PRRC2C: variants seen among roughly 807,000 people sequenced by gnomAD.
PRRC2C encodes the protein protein PRRC2C.
PRRC2C carries 72 observed loss-of-function variants against 317.2 expected under a neutral mutation model. The ratio of observed to expected loss-of-function variants is 0.23; its 90% confidence interval spans 0.19 to 0.28. PRRC2C has a LOEUF of 0.28. PRRC2C is among the 10% of genes least tolerant of loss of function. PRRC2C has a pLI of 1.00. For missense variants in PRRC2C, 3,074 were observed against 3,459.7 expected (o/e 0.89, Z 2.80); for synonymous variants, 1,296 against 1,205.9 (o/e 1.07, Z -1.55).
At position 171,532,343 on chromosome 1, in the gene PRRC2C, C is replaced by A; in HGVS notation, c.1255C>A (p.His419Asn). ...CTCATCTGATACCTTAATGTTTCAG[C>A]ATCCACCTCCAGATCGACAGGCAGT... ...PPPPKLLAQQ[H>N]PPPDRQAVPG... The change falls in exon 12 of 35, where the codon CAT becomes AAT. Residue 419 changes from histidine (H) to asparagine (N), a missense_variant and splice_region_variant. This residue lies in a region of PRRC2C where 1,320 missense variants were observed against 1,395.7 expected (regional missense o/e 0.95). Transcript: ENST00000647382. 1 of 1,606,984 alleles carries A rather than the reference C, an allele frequency of 6.2e-7. No homozygotes were observed. Among genetic ancestry groups the A allele is most frequent in the Non-Finnish European group, 8.5e-7 (1 of 1,177,034 alleles).
At chr1:171,490,607 A>G (rs1666961730) in intron 1 of PRRC2C, among the ~76,000 whole-genome samples, 1 of 152,258 alleles carries the variant, frequency 6.6e-6, no homozygotes, top group Admixed American at 6.5e-5. Flanking sequence ...GAAGAACAAG[A>G]CAAAATAAGA....
At chr1:171,496,924 C>T (rs886655615) in intron 1 of PRRC2C, among the ~76,000 whole-genome samples, 1 of 151,872 alleles carries the variant, frequency 6.6e-6, no homozygotes, top group Non-Finnish European at 1.5e-5. Context: ...GCTTCAATCT[C>T]CTGGTTGGGA....
chr1:171,573,673 CTTTTTTTTTT>C (rs1024285954), intron 24 of PRRC2C, among the ~76,000 whole-genome samples: 3 of 85,810 alleles, frequency 3.5e-5, no homozygotes, highest in African/African-American at 4.7e-5. Flanking sequence ...TCTCAAAATT[CTTTTTTTTTT>C]TTTTTTTTTT....
At chr1:171,591,081 G>A (rs1651315033) in intron 34 of PRRC2C, 2 of 674,902 alleles carry the variant, frequency 3.0e-6, no homozygotes, top group Non-Finnish European at 3.7e-6. Flanking sequence ...CTCAGAATGT[G>A]GTAGGAGCTA....
rs75006662 is a variant in PRRC2C, at chr1:171,542,345, C to T, written c.4763+116C>T. On this transcript the variant is annotated intron_variant, in intron 16 of 34. Transcript: ENST00000647382. The stretch of plus-strand genomic sequence containing the variant: ...AGATAAAGGACCAAAAAACATTGTT[C>T]TTCCCAAATGCTTTATTCTCTGTTC... 5 of 946,538 alleles carry T rather than the reference C, an allele frequency of 5.3e-6. No individual in the cohort carries two copies. The East Asian group carries it at 1.3e-4, about 25-fold the overall frequency. 58.6% of individuals were successfully genotyped at this position (946,538 alleles called of 1,614,324 possible). A position where few individuals can be genotyped will look rare whatever the true frequency, so the allele number is the denominator to read the frequency against.
In PRRC2C at chr1:171,545,665, G is replaced by A. The variant is rs1371163735; in HGVS notation, c.4950G>A (p.Gln1650=). The A allele has an allele frequency of 1.3e-6, 2 of 1,590,440 alleles. No homozygotes were observed. Among genetic ancestry groups the A allele is most frequent in the Non-Finnish European group, 1.7e-6 (2 of 1,167,566 alleles). The change falls in exon 17 of 35, where the codon CAG becomes CAA. Residue 1650 remains glutamine (Q), a synonymous_variant. Coordinates refer to ENST00000647382, the MANE Select transcript of PRRC2C (RefSeq NM_001387844.1). ...AAGAGAAAGTGGATGCTCTATCACA[G>A]TTTGATCTCAACAATTATGCAAGTA... ...KPKEKVDALS[Q]FDLNNYASVV...
chr1:171,515,107 C>T (rs7517178), intron 4 of PRRC2C, among the ~76,000 whole-genome samples: 18,791 of 152,238 alleles, frequency 0.12, 1,231 homozygotes, highest in East Asian at 0.21. Flanking sequence ...ATGATGGAAT[C>T]CCCAGCAGAA....
In PRRC2C at chr1:171,565,235, C is replaced by G. The variant is rs1327657946; in HGVS notation, c.6118-998C>G. Among the ~76,000 whole-genome samples the G allele has an allele frequency of 2.0e-5, 3 of 152,258 alleles. No homozygotes were observed. In the East Asian group the frequency reaches 5.8e-4, roughly 29 times the overall value. ...GTCTCCCTAAACTCTTTCCACTGAT[C>G]TTGTCTTCTAGATTCAATGTCAGTG... is the stretch of plus-strand genomic sequence containing the variant. On this transcript the variant is annotated intron_variant, in intron 20 of 34. Transcript: ENST00000647382.
chr1:171,585,205 G>C (rs1649586338), intron 30 of PRRC2C, among the ~76,000 whole-genome samples: 1 of 152,146 alleles, frequency 6.6e-6, no homozygotes, highest in Non-Finnish European at 1.5e-5. Context: ...CCAGAATATA[G>C]TTACATTAAG....
intron 14 of PRRC2C, among the ~76,000 whole-genome samples, chr1:171,536,591 A>G (rs952944911): frequency 1.1e-4 from 17 of 152,026 alleles, no homozygotes; most frequent in Admixed American, 6.5e-4. Flanking sequence ...CAGCGTTTGA[A>G]TTTTGTCCAT....
intron 14 of PRRC2C, among the ~76,000 whole-genome samples, chr1:171,536,525 G>A (rs763806918): frequency 2.6e-5 from 4 of 152,116 alleles, no homozygotes; most frequent in African/African-American, 7.2e-5. Context: ...AAATAATTAT[G>A]TGTTATTAAC....
At chr1:171,568,411 T>C (rs1207278820) in intron 23 of PRRC2C, 72 bp downstream of exon 23, 29 of 1,527,924 alleles carry the variant, frequency 1.9e-5, no homozygotes, top group Non-Finnish European at 2.3e-5. Context: ...CATTATTTCA[T>C]GTTTTATTTA....
rs749642627 is a variant in PRRC2C at position 171,558,179 on chromosome 1, G to A, written c.6031+36G>A. ...AAAGAGAAGTGAGGGGTGGGGAATGGCATAGGAATACTGAGGTTTCTTTTC... is the reference window on the plus strand; with the variant it reads ...AAAGAGAAGTGAGGGGTGGGGAATGACATAGGAATACTGAGGTTTCTTTTC... On this transcript the variant is annotated intron_variant, in intron 19 of 34. Coordinates refer to ENST00000647382, the MANE Select transcript of PRRC2C (RefSeq NM_001387844.1). The A allele has an allele frequency of 1.7e-5, 26 of 1,569,520 alleles. No homozygotes were observed. In the East Asian group the frequency reaches 3.4e-4, roughly 20 times the overall value.
At position 171,541,003 on chromosome 1, in the gene PRRC2C, A is replaced by G. The variant is rs749323122; in HGVS notation, c.3537A>G (p.Arg1179=). 6.2e-7 allele frequency: 1 copy of G among 1,613,576 alleles called. No homozygotes were observed. Among genetic ancestry groups the G allele is most frequent in the Non-Finnish European group, 8.5e-7 (1 of 1,179,788 alleles). ...CCTATTGGAAAGAAGCTAGAGAGAG[A>G]GATTGGTTTCCAGATCAAGGATACA... ...PRTYWKEARE[R]DWFPDQGYRG... is the part of the protein sequence containing the mutation. The change falls in exon 16 of 35, where the codon AGA becomes AGG. Residue 1179 remains arginine, a synonymous_variant. Transcript: ENST00000647382. The surrounding 1 kb of genome is among the most constrained non-coding windows in gnomAD (Gnocchi z 4.1).
At chr1:171,586,877 C>A in intron 30 of PRRC2C, 126 bp from the exon 31 acceptor site, 2 of 767,734 alleles carry the variant, frequency 2.6e-6, no homozygotes. Flanking sequence ...TGAGCCACTG[C>A]ACCTGGCCGA....
chr1:171,527,022 G>A (rs1674721187), intron 10 of PRRC2C, among the ~76,000 whole-genome samples: 1 of 151,570 alleles, frequency 6.6e-6, no homozygotes, highest in Admixed American at 6.6e-5. Context: ...TCGCCAGGCT[G>A]GTCTCTAACT....
At chr1:171,570,837 G>C (rs1558026402) in intron 23 of PRRC2C, among the ~76,000 whole-genome samples, 1 of 152,130 alleles carries the variant, frequency 6.6e-6, no homozygotes, top group East Asian at 1.9e-4. Flanking sequence ...AAATACTTCT[G>C]GTGGAACCTG....
At chr1:171,582,020 C>CTTGT (rs2307968) in intron 28 of PRRC2C, among the ~76,000 whole-genome samples, 3 of 151,994 alleles carry the variant, frequency 2.0e-5, no homozygotes, top group Admixed American at 2.0e-4. Context: ...GGTTTATGTT[C>CTTGT]TTGTTTGTTT....
intron 2 of PRRC2C, 81 bp downstream of exon 2, chr1:171,512,281 T>C: frequency 3.0e-6 from 3 of 1,004,180 alleles, no homozygotes; most frequent in Non-Finnish European, 3.1e-6. Context: ...TATGAGAAGC[T>C]AGGATGTACC....
Sources: gnomAD v4.1 joint callset for allele counts (sites outside exome capture counted in the v4.1 genomes callset) on GRCh38, gnomAD v4.1.1 for gene constraint, gnomAD v4.1.1 regional missense constraint, Gnocchi (gnomAD v3.1) non-coding constraint, MANE v1.5 for transcripts, NCBI Gene and HGNC (gene_info 2026-07-23, HGNC 2026-07-21) for gene names.